The following MCOLN2 variants were observed in gnomAD, a reference collection of about 807,000 sequenced individuals.
MCOLN2 encodes the protein mucolipin-2.
MCOLN2 carries 57 observed loss-of-function variants against 67.5 expected under a neutral mutation model. The observed-to-expected ratio is 0.84, with a 90% CI of 0.68 to 1.05. The LOEUF (loss-of-function observed/expected upper bound fraction) is 1.05. MCOLN2 is among the 50% of genes least tolerant of loss of function. The probability of loss-of-function intolerance (pLI) is 0.00; values close to 1 mark genes in which losing one functional copy is unlikely to be tolerated. For missense variants in MCOLN2, 620 were observed against 678.8 expected (o/e 0.91, Z 0.96); for synonymous variants, 246 against 233.3 (o/e 1.05, Z -0.50).
At chr1:84,948,340 T>A (rs939241661) in intron 6 of MCOLN2, among the ~76,000 whole-genome samples, 1 of 151,758 alleles carries the variant, frequency 6.6e-6, no homozygotes, top group South Asian at 2.1e-4. Flanking sequence ...TGACAAGGAG[T>A]ACAACTGAAC....
At position 84,997,090 on chromosome 1, in the gene MCOLN2, G is replaced by C. The variant is rs1391919448; in HGVS notation, c.-218C>G. 2 of 575,550 alleles carry C rather than the reference G, an allele frequency of 3.5e-6. No individual in the cohort carries two copies. The highest frequency in any genetic ancestry group is 6.1e-6 in the Non-Finnish European group (2 of 325,658). 35.7% of individuals were successfully genotyped at this position (575,550 alleles called of 1,614,324 possible). A position where few individuals can be genotyped will look rare whatever the true frequency, so the allele number is the denominator to read the frequency against. ...CGTGGAGTGCGGCGGGCAGTTCTCG[G>C]GCGGCTGAAAGGCGGCTCTGTGTGC... On this transcript the variant is annotated 5_prime_UTR_variant, in exon 1 of 14. Transcript: ENST00000370608.
At chr1:84,927,205 A>T (rs57132432) in intron 13 of MCOLN2, among the ~76,000 whole-genome samples, 1,493 of 53,366 alleles carry the variant, frequency 0.028, 25 homozygotes, top group African/African-American at 0.06. Flanking sequence ...AAGTAAAATT[A>T]AAAAAAAAAA....
chr1:84,935,094 G>A (rs192698619), intron 11 of MCOLN2, among the ~76,000 whole-genome samples: 1 of 152,172 alleles, frequency 6.6e-6, no homozygotes, highest in African/African-American at 2.4e-5. Flanking sequence ...CAGGTAACCT[G>A]AAAGTCCTCT....
At chr1:84,927,093 G>A (rs1319912892) in intron 13 of MCOLN2, among the ~76,000 whole-genome samples, 4 of 151,876 alleles carry the variant, frequency 2.6e-5, no homozygotes, top group Non-Finnish European at 5.9e-5. Context: ...CTTAATGCAT[G>A]CAGAGCTGAA....
intron 11 of MCOLN2, 83 bp downstream of exon 11, chr1:84,937,672 C>A (rs946802039): frequency 1.3e-6 from 2 of 1,569,812 alleles, no homozygotes; most frequent in Non-Finnish European, 1.7e-6. Context: ...CTAGAGAAGA[C>A]CAGGAAGCAA....
chr1:84,965,483 G>A (rs1248677720), intron 2 of MCOLN2, 66 bp downstream of exon 2: 1 of 1,532,696 alleles, frequency 6.5e-7, no homozygotes, highest in African/African-American at 1.4e-5. Context: ...GTCAAGTACA[G>A]AACACATGAA....
intron 1 of MCOLN2, among the ~76,000 whole-genome samples, chr1:84,978,795 TATAA>T (rs1650115773): frequency 6.6e-6 from 1 of 152,090 alleles, no homozygotes; most frequent in African/African-American, 2.4e-5. Context: ...TGTATATGTG[TATAA>T]ATATATATAT....
chr1:84,977,568 CA>C, intron 1 of MCOLN2, among the ~76,000 whole-genome samples: 1 of 151,692 alleles, frequency 6.6e-6, no homozygotes, highest in Middle Eastern at 3.4e-3. Flanking sequence ...CAATGGAAAC[CA>C]AAAAAGAGCA....
intron 9 of MCOLN2, among the ~76,000 whole-genome samples, chr1:84,938,683 G>A (rs1271100422): frequency 6.6e-6 from 1 of 152,196 alleles, no homozygotes; most frequent in African/African-American, 2.4e-5. Flanking sequence ...ACAGGTAAGT[G>A]GACAAAAGCT....
chr1:84,993,619 CTTTTTTTT>C (rs869075778), intron 1 of MCOLN2, among the ~76,000 whole-genome samples: 2 of 118,534 alleles, frequency 1.7e-5, no homozygotes, highest in African/African-American at 3.2e-5. Flanking sequence ...TAAATAATGT[CTTTTTTTT>C]TTTTTTTTTT....
intron 1 of MCOLN2, among the ~76,000 whole-genome samples, chr1:84,981,435 GA>G (rs553379211): frequency 6.6e-6 from 1 of 152,102 alleles, no homozygotes; most frequent in Non-Finnish European, 1.5e-5. Flanking sequence ...AATGGATAAA[GA>G]AAATGTGGTA....
intron 1 of MCOLN2, among the ~76,000 whole-genome samples, chr1:84,976,783 A>G (rs957719868): frequency 1.3e-5 from 2 of 152,172 alleles, no homozygotes; most frequent in Non-Finnish European, 2.9e-5. Flanking sequence ...AGATTTTCCC[A>G]GACAAACAAA....
At chr1:84,940,382 A>G (rs577955226) in intron 8 of MCOLN2, among the ~76,000 whole-genome samples, 1 of 152,350 alleles carries the variant, frequency 6.6e-6, no homozygotes, top group East Asian at 1.9e-4. Context: ...GTATATATTC[A>G]TAAGAGCCCT....
rs1002988363 is a variant in MCOLN2, at chr1:84,952,639, T to C, written c.566-109A>G. 4 of 705,930 alleles carry C rather than the reference T, an allele frequency of 5.7e-6. No individual in the cohort carries two copies. In the Admixed American group the frequency reaches 7.0e-5, roughly 12 times the overall value. 43.7% of individuals were successfully genotyped at this position (705,930 alleles called of 1,614,324 possible). A position where few individuals can be genotyped will look rare whatever the true frequency, so the allele number is the denominator to read the frequency against. On this transcript the variant is annotated intron_variant, in intron 4 of 13. Coordinates refer to ENST00000370608, the MANE Select transcript of MCOLN2 (RefSeq NM_153259.4). ...AGGTTACTTACGGAGTTTCAAAGTA[T>C]CTCCCTAGAAAATACTTAGCAATTA... is the stretch of plus-strand genomic sequence containing the variant.
intron 1 of MCOLN2, among the ~76,000 whole-genome samples, chr1:84,985,572 C>G (rs916286555): frequency 6.6e-6 from 1 of 152,096 alleles, no homozygotes; most frequent in African/African-American, 2.4e-5. Context: ...CTCAAACCTG[C>G]CCTCCACCTG....
chr1:84,987,500 A>T (rs1422329613), intron 1 of MCOLN2, among the ~76,000 whole-genome samples: 1 of 51,328 alleles, frequency 1.9e-5, no homozygotes, highest in African/African-American at 5.6e-5. Context: ...ATATGTATAC[A>T]TAGATGTATA....
chr1:84,952,546 A>G lies in MCOLN2; in HGVS notation c.566-16T>C, dbSNP rs1391207960. 1.3e-6 allele frequency: 2 copies of G among 1,562,612 alleles called. No homozygotes were observed. Among genetic ancestry groups the G allele is most frequent in the Admixed American group, 1.7e-5 (1 of 59,882 alleles). ...TGAACACAATCTAGGGCAATGAAAG[A>G]ACAAGAAATGGTTGTTTCAGGCAAG... is the stretch of plus-strand genomic sequence containing the variant. On this transcript the variant is annotated splice_polypyrimidine_tract_variant and intron_variant, in intron 4 of 13. Coordinates refer to ENST00000370608, the MANE Select transcript of MCOLN2 (RefSeq NM_153259.4).
At chr1:84,965,924 C>G (rs1237738884) in intron 1 of MCOLN2, among the ~76,000 whole-genome samples, 1 of 152,158 alleles carries the variant, frequency 6.6e-6, no homozygotes, top group Non-Finnish European at 1.5e-5. Context: ...CCTTCTACCT[C>G]CTACCTTTCC....
At chr1:84,966,570 G>C (rs1649392198) in intron 1 of MCOLN2, among the ~76,000 whole-genome samples, 1 of 152,188 alleles carries the variant, frequency 6.6e-6, no homozygotes, top group Non-Finnish European at 1.5e-5. Flanking sequence ...TCTGTACTGA[G>C]AGAAGGACTA....
Sources: allele counts gnomAD v4.1 joint callset (sites outside exome capture counted in the v4.1 genomes callset), GRCh38; gene constraint gnomAD v4.1.1; transcripts MANE v1.5; gene names NCBI Gene and HGNC (gene_info 2026-07-23, HGNC 2026-07-21).